RBMS3: variants seen among roughly 807,000 people sequenced by gnomAD.
RBMS3 encodes the protein RNA binding motif single stranded interacting protein 3.
Under a neutral mutation model 66.8 loss-of-function variants are expected in RBMS3, and 27 were observed. The ratio of observed to expected loss-of-function variants is 0.40; its 90% CI spans 0.30 to 0.56. The LOEUF is 0.56. Ranked by LOEUF, RBMS3 falls within the 20% of genes least tolerant of loss-of-function variation. The pLI is 0.40. For synonymous variants in RBMS3, 188 were observed against 183.0 expected (o/e 1.03, Z -0.22); for missense variants, 513 against 549.5 (o/e 0.93, Z 0.66).
At chr3:29,872,340 C>T (rs537262464) in intron 7 of RBMS3, among the ~76,000 whole-genome samples, 2 of 152,136 alleles carry the variant, frequency 1.3e-5, no homozygotes, top group Non-Finnish European at 2.9e-5. Flanking sequence ...TTTTACAAAT[C>T]GCTTTAATGT....
At chr3:29,796,710 A>ATTTTTTTTTT (rs1576829680) in intron 6 of RBMS3, among the ~76,000 whole-genome samples, 4 of 93,362 alleles carry the variant, frequency 4.3e-5, no homozygotes, top group Non-Finnish European at 6.6e-5. Context: ...TTTGAAAGGA[A>ATTTTTTTTTT]TCTTTTTTTT....
At chr3:29,898,736 CGTGTGTGTGTGTGT>C in intron 9 of RBMS3, among the ~76,000 whole-genome samples, 1 of 142,614 alleles carries the variant, frequency 7.0e-6, no homozygotes, top group East Asian at 2.1e-4. Flanking sequence ...TTGTAATGTG[CGTGTGTGTGTGTGT>C]GTGTGTGTGT....
At chr3:29,526,081 C>T (rs940926756) in intron 3 of RBMS3, among the ~76,000 whole-genome samples, 1 of 152,022 alleles carries the variant, frequency 6.6e-6, no homozygotes, top group Admixed American at 6.6e-5. Flanking sequence ...AGTCTCTAAC[C>T]GCTCAAAATG....
At chr3:29,967,590 C>T (rs916041124) in intron 12 of RBMS3, among the ~76,000 whole-genome samples, 7 of 152,108 alleles carry the variant, frequency 4.6e-5, no homozygotes, top group East Asian at 1.9e-4. Context: ...CCACTGTGCC[C>T]GGCCTGGACT....
chr3:29,884,256 G>A, intron 8 of RBMS3, 48 bp downstream of exon 8: 2 of 1,503,198 alleles, frequency 1.3e-6, no homozygotes, highest in Non-Finnish European at 1.8e-6. Flanking sequence ...AGATCTTTGA[G>A]CTCTGAATCA....
chr3:29,648,425 A>C (rs1362251751), intron 4 of RBMS3, among the ~76,000 whole-genome samples: 2 of 151,532 alleles, frequency 1.3e-5, no homozygotes, highest in East Asian at 3.9e-4. Flanking sequence ...GGTGTGCGCC[A>C]CTACACCTGG....
At chr3:29,756,470 A>T (rs1199172280) in intron 5 of RBMS3, among the ~76,000 whole-genome samples, 1 of 152,180 alleles carries the variant, frequency 6.6e-6, no homozygotes, top group African/African-American at 2.4e-5. Flanking sequence ...GGCTTGTCTT[A>T]CATGGCAGTA....
intron 4 of RBMS3, among the ~76,000 whole-genome samples, chr3:29,654,056 G>T (rs2050235510): frequency 6.6e-6 from 1 of 152,072 alleles, no homozygotes; most frequent in African/African-American, 2.4e-5. Flanking sequence ...CTACATTTCT[G>T]CAAAACAGGA....
chr3:29,979,848 G>C (rs548333803), intron 12 of RBMS3, among the ~76,000 whole-genome samples: 8 of 152,114 alleles, frequency 5.3e-5, no homozygotes, highest in African/African-American at 1.9e-4. Context: ...AAGGGCGTTT[G>C]GGTTGGTTCC....
At chr3:29,685,472 A>T (rs535170008) in intron 4 of RBMS3, among the ~76,000 whole-genome samples, 1 of 152,110 alleles carries the variant, frequency 6.6e-6, no homozygotes, top group African/African-American at 2.4e-5. Context: ...GCTCTATTCT[A>T]CCTTTTTTTG....
chr3:29,458,235 G>A (rs1378125764), intron 2 of RBMS3, among the ~76,000 whole-genome samples: 1 of 152,140 alleles, frequency 6.6e-6, no homozygotes, highest in Admixed American at 6.5e-5. Flanking sequence ...CACAGTGACT[G>A]GCAAATGGGC....
rs116803431 is a variant in RBMS3 at position 29,437,509 on chromosome 3, A to G, written c.248+2594A>G. ...ATAATAGTTACTTGTTCATATTAAT[A>G]TTTGTCAGCTAATAAGATCTGGCCC... On this transcript the variant is annotated intron_variant, in intron 2 of 14. Coordinates refer to ENST00000383767, the MANE Select transcript of RBMS3 (RefSeq NM_001003793.3). Among the ~76,000 whole-genome samples the G allele has an allele frequency of 2.7e-3, 409 of 152,356 alleles. 1 individual carries two copies. The highest frequency in any genetic ancestry group is 9.3e-3 in the African/African-American group (386 of 41,586).
rs115327226 is a variant in RBMS3, at chr3:29,387,515, A to G, written c.76-47228A>G. Among the ~76,000 whole-genome samples, 394 of 152,236 alleles carry G rather than the reference A, an allele frequency of 2.6e-3. 1 individual carries two copies. Among genetic ancestry groups the G allele is most frequent in the African/African-American group, 9.1e-3 (378 of 41,534 alleles). On this transcript the variant is annotated intron_variant, in intron 1 of 14. Transcript: ENST00000383767. ...TCCAGACCTACATAATTGCCTGCCT[A>G]TGGTATGGCAATACATTTTTAACAG... is the stretch of plus-strand genomic sequence containing the variant.
chr3:29,683,397 T>C (rs372231820), intron 4 of RBMS3, among the ~76,000 whole-genome samples: 1 of 152,114 alleles, frequency 6.6e-6, no homozygotes, highest in African/African-American at 2.4e-5. Flanking sequence ...CTCATAAAGA[T>C]TGCATCCATA....
At chr3:29,525,325 T>A (rs574337968) in intron 3 of RBMS3, among the ~76,000 whole-genome samples, 2 of 152,194 alleles carry the variant, frequency 1.3e-5, no homozygotes, top group Non-Finnish European at 2.9e-5. Flanking sequence ...CACATTTTTT[T>A]ATTCTGGCTC....
chr3:29,443,883 G>A (rs995266785), intron 2 of RBMS3, among the ~76,000 whole-genome samples: 5 of 152,068 alleles, frequency 3.3e-5, no homozygotes, highest in East Asian at 3.9e-4. Context: ...TAGGGATAAC[G>A]CCTTAACTCT....
At chr3:29,717,610 A>G (rs944652143) in intron 4 of RBMS3, among the ~76,000 whole-genome samples, 4 of 152,140 alleles carry the variant, frequency 2.6e-5, no homozygotes, top group Admixed American at 2.0e-4. Flanking sequence ...AAATCTGTTA[A>G]CGTTTTTGTA....
At chr3:29,558,472 C>CA (rs1270806903) in intron 3 of RBMS3, among the ~76,000 whole-genome samples, 2 of 152,118 alleles carry the variant, frequency 1.3e-5, no homozygotes, top group East Asian at 1.9e-4. Flanking sequence ...CATTCAGAAA[C>CA]AAAAAATACA....
At chr3:29,961,690 G>C (rs999566255) in intron 12 of RBMS3, among the ~76,000 whole-genome samples, 2 of 151,816 alleles carry the variant, frequency 1.3e-5, no homozygotes, top group Admixed American at 6.6e-5. Flanking sequence ...AGCAAAGAAG[G>C]AAATAACCCC....
Sources: allele counts gnomAD v4.1 joint callset (sites outside exome capture counted in the v4.1 genomes callset), GRCh38; gene constraint gnomAD v4.1.1; transcripts MANE v1.5; gene names NCBI Gene and HGNC (gene_info 2026-07-23, HGNC 2026-07-21).